SLC29A4: variants seen among roughly 807,000 people sequenced by gnomAD.
SLC29A4 encodes the protein solute carrier family 29 member 4.
A neutral mutation model predicts 43.9 loss-of-function variants in SLC29A4; 36 were observed. The observed-to-expected ratio is 0.82, with a 90% confidence interval of 0.63 to 1.08. SLC29A4 has a LOEUF of 1.08. SLC29A4 is among the 50% of genes least tolerant of loss of function. The probability of loss-of-function intolerance (pLI) is 0.00; values close to 1 mark genes in which losing one functional copy is unlikely to be tolerated. For synonymous variants in SLC29A4, 491 were observed against 338.0 expected (o/e 1.45, Z -4.97); for missense variants, 869 against 755.3 (o/e 1.15, Z -1.77).
Position 5,304,618 on chromosome 7 carries a change from T to TCAAGTAG in SLC29A4, c.*1680_*1681insAAGTAGC, listed in dbSNP as rs1786389397. On this transcript the variant is annotated 3_prime_UTR_variant, in exon 11 of 11. Transcript: ENST00000396872. ...TCTGCCTTCCAGGTTCAAGCGATTC[T>TCAAGTAG]CCTGCCTCAGCCTCTCAAGTAGCTG... 6.6e-6 allele frequency: 1 copy of TCAAGTAG among 152,252 alleles called. No homozygotes were observed. The highest frequency in any genetic ancestry group is 6.6e-5 in the Admixed American group (1 of 15,254). The allele number at this position is 152,252 out of a possible 1,614,324, so 9.4% of individuals were successfully genotyped here.
Position 5,285,475 on chromosome 7 carries a change from G to A in SLC29A4, c.-8-2334G>A, listed in dbSNP as rs138315320. Among the ~76,000 whole-genome samples the A allele has an allele frequency of 1.6e-3, 241 of 152,358 alleles. 3 individuals are homozygous for A. In the East Asian group the frequency reaches 0.041, roughly 26 times the overall value. On this transcript the variant is annotated intron_variant, in intron 1 of 10. Coordinates refer to ENST00000396872, the MANE Select transcript of SLC29A4 (RefSeq NM_153247.4). ...GAATCTCCCCAGCCCCCAAGACCTGGAAATGGGAAGGCTCTGGCTTCAAAG... is the reference window on the plus strand; with the variant it reads ...GAATCTCCCCAGCCCCCAAGACCTGAAAATGGGAAGGCTCTGGCTTCAAAG...
intron 2 of SLC29A4, 136 bp downstream of exon 2, chr7:5,288,121 T>A: frequency 8.6e-7 from 1 of 1,164,756 alleles, no homozygotes; most frequent in Non-Finnish European, 1.2e-6. Context: ...CAGTGTGGAT[T>A]AGATCTGCTG....
chr7:5,298,028 C>T lies in SLC29A4; in HGVS notation c.882+830C>T, dbSNP rs1182146430. Among the ~76,000 whole-genome samples, 8 of 152,188 alleles carry T rather than the reference C, an allele frequency of 5.3e-5. No homozygotes were observed. The South Asian group carries it at 6.2e-4, about 12-fold the overall frequency. The stretch of plus-strand genomic sequence containing the variant: ...GCCGGCAGCTGTACAGGCTTGGGGA[C>T]ACCTGCAGGGTGAGGTCAGGAGTGC... On this transcript the variant is annotated intron_variant, in intron 7 of 10. Coordinates refer to ENST00000396872, the MANE Select transcript of SLC29A4 (RefSeq NM_153247.4).
intron 2 of SLC29A4, among the ~76,000 whole-genome samples, chr7:5,290,226 T>G (rs186401618): frequency 6.6e-5 from 10 of 152,170 alleles, no homozygotes; most frequent in East Asian, 1.9e-4. Context: ...GCTAATTTTT[T>G]GGGTTTTTTT....
At chr7:5,294,422 G>T (rs931368466) in intron 5 of SLC29A4, among the ~76,000 whole-genome samples, 3 of 152,096 alleles carry the variant, frequency 2.0e-5, no homozygotes, top group African/African-American at 7.3e-5. Context: ...AGAAATCTCA[G>T]TGGTTCCATA....
chr7:5,297,710 G>A (rs1302890902), intron 7 of SLC29A4, among the ~76,000 whole-genome samples: 2 of 152,184 alleles, frequency 1.3e-5, no homozygotes, highest in African/African-American at 2.4e-5. Context: ...TGGTTTCCCT[G>A]AGGGAATGTG....
rs908477877 is a variant in SLC29A4, at chr7:5,302,978, C to T, written c.*39C>T. 2.5e-6 allele frequency: 4 copies of T among 1,583,174 alleles called. No homozygotes were observed. Among genetic ancestry groups the T allele is most frequent in the Admixed American group, 1.8e-5 (1 of 55,650 alleles). On this transcript the variant is annotated 3_prime_UTR_variant, in exon 11 of 11. Transcript: ENST00000396872. ...ACTGCCAGGGACGCCGAGGGCCTGA[C>T]CAGGGGCCCCGAGGCCTGAGGGCCC...
rs1221751414 is a variant in SLC29A4 at position 5,304,190 on chromosome 7, T to G, written c.*1251T>G. 6.6e-6 allele frequency: 1 copy of G among 152,438 alleles called. No homozygotes were observed. The highest frequency in any genetic ancestry group is 2.4e-5 in the African/African-American group (1 of 41,454). The allele number at this position is 152,438 out of a possible 1,614,324, so 9.4% of individuals were successfully genotyped here. A position where few individuals can be genotyped will look rare whatever the true frequency, so the allele number is the denominator to read the frequency against. Reference sequence around the variant, plus strand: ...CCATCTGTGAGGTGGGCCGGGTGGATCAGGGAGCAGGAGGGTGTCCTCACA... The same window carrying G: ...CCATCTGTGAGGTGGGCCGGGTGGAGCAGGGAGCAGGAGGGTGTCCTCACA... On this transcript the variant is annotated 3_prime_UTR_variant, in exon 11 of 11. Coordinates refer to ENST00000396872, the MANE Select transcript of SLC29A4 (RefSeq NM_153247.4).
intron 1 of SLC29A4, among the ~76,000 whole-genome samples, chr7:5,283,561 C>A (rs1029291450): frequency 4.6e-5 from 7 of 152,120 alleles, no homozygotes; most frequent in Non-Finnish European, 2.9e-5. Context: ...GCCGGACAGG[C>A]GGCAGAAAGG....
At chr7:5,302,170 C>T (rs1190377956) in intron 10 of SLC29A4, among the ~76,000 whole-genome samples, 2 of 152,076 alleles carry the variant, frequency 1.3e-5, no homozygotes, top group Non-Finnish European at 1.5e-5. Context: ...AGGCTGGTCT[C>T]GAACTCCTAA....
In SLC29A4 at chr7:5,298,669, G is replaced by A. The variant is rs183171170; in HGVS notation, c.883-319G>A. Among the ~76,000 whole-genome samples the A allele has an allele frequency of 2.5e-4, 38 of 152,230 alleles. No homozygotes were observed. The East Asian group carries it at 6.8e-3, about 27-fold the overall frequency. ...AAAAAAGATTGGCCTGGGTGATGGC[G>A]CATGGCTGTAGTCCCTGTTACTTGG... On this transcript the variant is annotated intron_variant, in intron 7 of 10. Coordinates refer to ENST00000396872, the MANE Select transcript of SLC29A4 (RefSeq NM_153247.4).
chr7:5,289,255 G>T (rs1201400192), intron 2 of SLC29A4, among the ~76,000 whole-genome samples: 1 of 152,040 alleles, frequency 6.6e-6, no homozygotes, highest in East Asian at 1.9e-4. Flanking sequence ...AAATTAGCCG[G>T]GTGTGGTGGC....
At position 5,293,762 on chromosome 7, in the gene SLC29A4, C is replaced by T. The variant is rs530830719; in HGVS notation, c.545-1098C>T. Among the ~76,000 whole-genome samples, 634 of 152,236 alleles carry T rather than the reference C, an allele frequency of 4.2e-3. 4 individuals carry two copies. The highest frequency in any genetic ancestry group is 7.4e-3 in the Non-Finnish European group (503 of 68,012). On this transcript the variant is annotated intron_variant, in intron 5 of 10. Transcript: ENST00000396872. The stretch of plus-strand genomic sequence containing the variant: ...TGGGCTCGAGGGAGAGGCCAGGCCC[C>T]CCACATAGCTGGGATTACAGGCACA...
intron 10 of SLC29A4, among the ~76,000 whole-genome samples, chr7:5,301,635 TC>T (rs1376144327): frequency 6.6e-6 from 1 of 152,098 alleles, no homozygotes; most frequent in Non-Finnish European, 1.5e-5. Context: ...ACTTCACCAG[TC>T]CAGGCCCTTG....
chr7:5,284,287 G>C (rs1267822438), intron 1 of SLC29A4, among the ~76,000 whole-genome samples: 3 of 151,986 alleles, frequency 2.0e-5, no homozygotes, highest in Non-Finnish European at 4.4e-5. Flanking sequence ...GCCCATAGCA[G>C]TGTTAAGTGG....
chr7:5,287,417 G>GA (rs199755250), intron 1 of SLC29A4, among the ~76,000 whole-genome samples: 4,067 of 121,320 alleles, frequency 0.034, 172 homozygotes, highest in African/African-American at 0.09. Context: ...GACCCTGTCT[G>GA]AAAAAAAAAA....
intron 2 of SLC29A4, among the ~76,000 whole-genome samples, chr7:5,289,112 T>A (rs1785147726): frequency 6.6e-6 from 1 of 152,270 alleles, no homozygotes; most frequent in East Asian, 1.9e-4. Context: ...AAACCTGGGC[T>A]AAGGCTCGGC....
At chr7:5,298,308 C>G (rs547250404) in intron 7 of SLC29A4, among the ~76,000 whole-genome samples, 2 of 152,110 alleles carry the variant, frequency 1.3e-5, no homozygotes, top group Admixed American at 6.5e-5. Context: ...TGGGCTAAGA[C>G]CTGACCCACA....
chr7:5,302,077 A>C (rs1163201323), intron 10 of SLC29A4, among the ~76,000 whole-genome samples: 1 of 152,050 alleles, frequency 6.6e-6, no homozygotes, highest in Non-Finnish European at 1.5e-5. Flanking sequence ...CAGCCTCCTG[A>C]GTAGCTGGGA....
Sources: gnomAD v4.1 joint callset for allele counts (sites outside exome capture counted in the v4.1 genomes callset) on GRCh38, gnomAD v4.1.1 for gene constraint, MANE v1.5 for transcripts, NCBI Gene and HGNC (gene_info 2026-07-23, HGNC 2026-07-21) for gene names.